LMF1: variants seen among roughly 807,000 people sequenced by gnomAD.
LMF1 encodes transmembrane protein 112.
A neutral mutation model predicts 60.6 loss-of-function variants in LMF1; 68 were observed. The ratio of observed to expected loss-of-function variants is 1.12; its 90% confidence interval spans 0.92 to 1.37. LMF1 has a LOEUF of 1.37. Ranked by LOEUF, LMF1 falls within the 40% of genes most tolerant of loss-of-function variation. The pLI is 0.00. For missense variants in LMF1, 948 were observed against 767.2 expected (o/e 1.24, Z -2.78); for synonymous variants, 418 against 324.7 (o/e 1.29, Z -3.09).
At chr16:893,348 G>C in intron 4 of LMF1, 1 of 572,440 alleles carries the variant, frequency 1.7e-6, no homozygotes, top group South Asian at 1.5e-5. Flanking sequence ...CATTCTCAGA[G>C]CTCCACGCAT....
rs73483885 is a variant in LMF1 at position 954,131 on chromosome 16, T to G, written c.503+226A>C. The G allele has an allele frequency of 7.9e-3, 5,253 of 666,746 alleles. 132 individuals carry two copies. Among genetic ancestry groups the G allele is most frequent in the African/African-American group, 0.04 (2,264 of 56,578 alleles). The allele number at this position is 666,746 out of a possible 1,614,324, so 41.3% of individuals were successfully genotyped here. On this transcript the variant is annotated intron_variant, in intron 2 of 10. Transcript: ENST00000262301. ...TAAGCTGGCAACGCAGTCCTTTAAGTAAGGAAGAGCTACTGCAAAGAGGTG... is the reference window on the plus strand; with the variant it reads ...TAAGCTGGCAACGCAGTCCTTTAAGGAAGGAAGAGCTACTGCAAAGAGGTG...
At chr16:938,058 A>C (rs2071993944) in intron 2 of LMF1, among the ~76,000 whole-genome samples, 1 of 152,034 alleles carries the variant, frequency 6.6e-6, no homozygotes, top group Non-Finnish European at 1.5e-5. Context: ...ACCACAAAAA[A>C]AGAGGGGCGC....
At chr16:893,969 C>G (rs1166324978) in intron 4 of LMF1, among the ~76,000 whole-genome samples, 1 of 152,014 alleles carries the variant, frequency 6.6e-6, no homozygotes, top group East Asian at 1.9e-4. Flanking sequence ...GGCCAAATCC[C>G]CTGGGCTCCA....
intron 5 of LMF1, among the ~76,000 whole-genome samples, chr16:880,216 T>TGGGGCCC (rs2070123383): frequency 6.6e-6 from 1 of 152,022 alleles, no homozygotes. Context: ...CCAGCAGGAA[T>TGGGGCCC]GGGGCCCGGG....
intron 10 of LMF1, among the ~76,000 whole-genome samples, chr16:860,050 C>A (rs1464200379): frequency 6.8e-6 from 1 of 148,110 alleles, no homozygotes; most frequent in Admixed American, 6.6e-5. Context: ...CATCTGTGCA[C>A]CTTCTTTGGT....
chr16:956,844 CAAAAA>C (rs34529324), intron 1 of LMF1, among the ~76,000 whole-genome samples: 1 of 119,488 alleles, frequency 8.4e-6, no homozygotes, highest in African/African-American at 3.1e-5. Flanking sequence ...AACTCCATCT[CAAAAA>C]AAAAAAAAAA....
Position 979,938 on chromosome 16 carries a change from G to C in LMF1, c.-135+1207C>G, listed in dbSNP as rs1371450256. 1.4e-5 allele frequency: 5 copies of C among 359,968 alleles called. No individual in the cohort carries two copies. In the Admixed American group the frequency reaches 1.7e-4, roughly 12 times the overall value. The allele number at this position is 359,968 out of a possible 1,614,324, so 22.3% of individuals were successfully genotyped here. A position where few individuals can be genotyped will look rare whatever the true frequency, so the allele number is the denominator to read the frequency against. On this transcript the variant is annotated intron_variant, in intron 1 of 6. Coordinates refer to the LMF1 transcript ENST00000570014. ...GAAGGATGCGGGGACCCCGAGCGGA[G>C]GGCAGGGCCTCCAGGGGGAAGAGGC...
chr16:901,257 C>A (rs1009489751), intron 4 of LMF1: 1 of 152,394 alleles, frequency 6.6e-6, no homozygotes, highest in East Asian at 1.9e-4. Flanking sequence ...CACCCCAACA[C>A]AGCCCAGTTC....
At chr16:882,389 T>C (rs1264833746) in intron 5 of LMF1, among the ~76,000 whole-genome samples, 2 of 152,204 alleles carry the variant, frequency 1.3e-5, no homozygotes, top group Non-Finnish European at 2.9e-5. Flanking sequence ...GCTCAGTCCT[T>C]GAAGAGGCAG....
intron 10 of LMF1, among the ~76,000 whole-genome samples, chr16:858,351 G>T (rs1183131009): frequency 1.8e-5 from 1 of 54,350 alleles, no homozygotes; most frequent in African/African-American, 1.2e-4. Context: ...CTCGGGACGG[G>T]TGTGCAGTGG....
chr16:946,549 G>C (rs554925967), intron 2 of LMF1, among the ~76,000 whole-genome samples: 3 of 152,220 alleles, frequency 2.0e-5, no homozygotes, highest in African/African-American at 7.2e-5. Flanking sequence ...TGTGAGGCCC[G>C]GACAGTCCTG....
chr16:932,940 C>T (rs373782812), intron 3 of LMF1, among the ~76,000 whole-genome samples: 1 of 151,692 alleles, frequency 6.6e-6, no homozygotes, highest in Non-Finnish European at 1.5e-5. Context: ...CCGCCGCACA[C>T]GCTTCCTCAC....
At chr16:972,424 C>T (rs1212332638), upstream of LMF1, among the ~76,000 whole-genome samples, 3 of 152,154 alleles carry the variant, frequency 2.0e-5, no homozygotes, top group Non-Finnish European at 4.4e-5. Flanking sequence ...CCCTGGCTGG[C>T]GCCCGGCACC....
At chr16:946,461 C>T (rs956597081) in intron 2 of LMF1, among the ~76,000 whole-genome samples, 8 of 152,236 alleles carry the variant, frequency 5.3e-5, no homozygotes, top group Non-Finnish European at 5.9e-5. Flanking sequence ...CCCACGGCCA[C>T]GCTGTCCTGT....
chr16:948,387 G>A (rs1188432735), intron 2 of LMF1, among the ~76,000 whole-genome samples: 16 of 148,896 alleles, frequency 1.1e-4, no homozygotes, highest in Non-Finnish European at 2.4e-4. Flanking sequence ...CAGAGCCAAC[G>A]TCAGAGTCAG....
chr16:978,293 A>G (rs2073234197), intron 1 of LMF1, among the ~76,000 whole-genome samples: 1 of 151,522 alleles, frequency 6.6e-6, no homozygotes, highest in South Asian at 2.1e-4. Context: ...CACACCATAA[A>G]CACACCCCAT....
chr16:859,895 C>T (rs1181033972), intron 10 of LMF1, among the ~76,000 whole-genome samples: 2 of 135,600 alleles, frequency 1.5e-5, no homozygotes, highest in East Asian at 2.1e-4. Context: ...AGTGGTGTCT[C>T]GGGATGGGTG....
At chr16:970,688 C>T in intron 1 of LMF1, 100 bp downstream of exon 1, 1 of 1,148,274 alleles carries the variant, frequency 8.7e-7, no homozygotes, top group African/African-American at 1.6e-5. Context: ...CGTGGGGGCG[C>T]CGCGGCCGCG....
intron 10 of LMF1, among the ~76,000 whole-genome samples, chr16:865,204 T>A (rs188727156): frequency 5.3e-5 from 8 of 152,344 alleles, no homozygotes; most frequent in Admixed American, 5.2e-4. Flanking sequence ...CTCACCTCTA[T>A]GTCCATTTGC....
Sources: allele counts gnomAD v4.1 joint callset (sites outside exome capture counted in the v4.1 genomes callset), GRCh38; gene constraint gnomAD v4.1.1; transcripts MANE v1.5; gene names NCBI Gene and HGNC (gene_info 2026-07-23, HGNC 2026-07-21).